The following NRXN1 variants were observed in gnomAD, a reference collection of about 807,000 sequenced individuals.
The protein encoded by NRXN1 is neurexin-1.
Under a neutral mutation model 150.9 loss-of-function variants are expected in NRXN1, and 39 were observed. That is an observed-to-expected ratio of 0.26 (90% CI 0.20 to 0.34). NRXN1 has a LOEUF of 0.34. Ranked by LOEUF, NRXN1 falls within the 10% of genes least tolerant of loss-of-function variation. The pLI is 1.00. For synonymous variants in NRXN1, 924 were observed against 757.0 expected, an observed-to-expected ratio of 1.22 and a Z score of -3.62; for missense variants, 1,815 against 1,949.9, an observed-to-expected ratio of 0.93 and a Z score of 1.30.
At chr2:50,224,470 AC>A (rs964877817) in intron 18 of NRXN1, among the ~76,000 whole-genome samples, 1 of 151,966 alleles carries the variant, frequency 6.6e-6, no homozygotes, top group Non-Finnish European at 1.5e-5. Flanking sequence ...TTGTTTAGTT[AC>A]CGTTCTTCTG....
At chr2:50,867,973 C>T (rs2106077137) in intron 5 of NRXN1, among the ~76,000 whole-genome samples, 1 of 151,242 alleles carries the variant, frequency 6.6e-6, no homozygotes, top group Non-Finnish European at 1.5e-5. Flanking sequence ...ATGACCTGAA[C>T]TGTAGAAGAA....
intron 5 of NRXN1, among the ~76,000 whole-genome samples, chr2:50,661,980 T>A (rs1202155454): frequency 2.0e-5 from 3 of 152,058 alleles, no homozygotes; most frequent in African/African-American, 7.2e-5. Context: ...TTTGTATTAT[T>A]CCTTAAGGCC....
chr2:50,654,147 A>C (rs1230353708), intron 5 of NRXN1, among the ~76,000 whole-genome samples: 1 of 145,740 alleles, frequency 6.9e-6, no homozygotes, highest in Admixed American at 6.9e-5. Flanking sequence ...GTCATTTAAC[A>C]TTAGGTATAT....
intron 5 of NRXN1, among the ~76,000 whole-genome samples, chr2:50,741,473 T>C (rs1699418995): frequency 6.6e-6 from 1 of 152,196 alleles, no homozygotes; most frequent in South Asian, 2.1e-4. Context: ...AAGTTGAGGA[T>C]CACTGTGCCC....
chr2:50,402,609 T>C (rs2082465730), intron 17 of NRXN1, among the ~76,000 whole-genome samples: 2 of 152,216 alleles, frequency 1.3e-5, no homozygotes, highest in Admixed American at 6.5e-5. Flanking sequence ...GGTTAGGCCA[T>C]ATCATGTTTT....
At chr2:50,283,821 C>A (rs1374215306) in intron 17 of NRXN1, among the ~76,000 whole-genome samples, 5 of 152,098 alleles carry the variant, frequency 3.3e-5, no homozygotes, top group Non-Finnish European at 7.4e-5. Flanking sequence ...TATTAAAAGT[C>A]CCTCTCCCTA....
In NRXN1 at chr2:50,331,654, T is replaced by C. The variant is rs114845526; in HGVS notation, c.3365-94684A>G. Reference sequence around the variant, plus strand: ...TTGTTAGCAGTATATCAACAGCAATTGATCACTAATGTGAAGGTATCAGGT... The same window carrying C: ...TTGTTAGCAGTATATCAACAGCAATCGATCACTAATGTGAAGGTATCAGGT... On this transcript the variant is annotated intron_variant, in intron 17 of 22. Coordinates refer to ENST00000401669, the MANE Select transcript of NRXN1 (RefSeq NM_001330078.2). 4.2e-3 allele frequency among the ~76,000 whole-genome samples: 647 copies of C among 152,296 alleles called. 2 individuals are homozygous for C. Among genetic ancestry groups the C allele is most frequent in the African/African-American group, 0.015 (626 of 41,578 alleles).
intron 5 of NRXN1, among the ~76,000 whole-genome samples, chr2:50,725,522 C>A (rs1205125495): frequency 1.3e-5 from 2 of 152,066 alleles, no homozygotes; most frequent in Non-Finnish European, 2.9e-5. Flanking sequence ...AGAAAGAGAT[C>A]CACAAATCCT....
chr2:51,027,449 T>A, intron 2 of NRXN1, 53 bp downstream of exon 2: 2 of 1,470,306 alleles, frequency 1.4e-6, no homozygotes, highest in Non-Finnish European at 1.8e-6. Context: ...GGTCCCCTCC[T>A]CCCCGAGCCC....
At chr2:50,980,541 G>A (rs1696624591) in intron 2 of NRXN1, among the ~76,000 whole-genome samples, 1 of 151,984 alleles carries the variant, frequency 6.6e-6, no homozygotes, top group Admixed American at 6.6e-5. Flanking sequence ...ATTAGGAATA[G>A]TAGTGATAGT....
intron 17 of NRXN1, among the ~76,000 whole-genome samples, chr2:50,409,137 C>G (rs938971379): frequency 5.3e-5 from 8 of 152,114 alleles, no homozygotes; most frequent in African/African-American, 1.9e-4. Flanking sequence ...CATGTGGTCC[C>G]CAAATGCTTA....
At chr2:50,280,434 G>A (rs1362730594) in intron 17 of NRXN1, among the ~76,000 whole-genome samples, 1 of 152,058 alleles carries the variant, frequency 6.6e-6, no homozygotes, top group African/African-American at 2.4e-5. Context: ...CATATCAGAA[G>A]CACACCCCCA....
intron 17 of NRXN1, among the ~76,000 whole-genome samples, chr2:50,411,201 AT>A (rs1396355052): frequency 6.6e-6 from 1 of 151,792 alleles, no homozygotes; most frequent in Non-Finnish European, 1.5e-5. Flanking sequence ...TGGTTTTCAT[AT>A]TTTTTGGTGG....
At position 50,134,428 on chromosome 2, in the gene NRXN1, T is replaced by C. The variant is rs973520634; in HGVS notation, c.3547-42934A>G. ...AACCAAATAAAATTTCCTTGTACAG[T>C]CAATGTCTTGGCATGCAATGGGTCC... On this transcript the variant is annotated intron_variant, in intron 18 of 22. Transcript: ENST00000401669. Among the ~76,000 whole-genome samples the C allele has an allele frequency of 1.4e-4, 22 of 152,228 alleles. No homozygotes were observed. In the South Asian group the frequency reaches 2.9e-3, roughly 20 times the overall value.
intron 15 of NRXN1, among the ~76,000 whole-genome samples, chr2:50,477,009 A>G (rs930709497): frequency 1.3e-5 from 2 of 152,286 alleles, no homozygotes; most frequent in East Asian, 1.9e-4. Flanking sequence ...GGGGGAGCAT[A>G]CAAAAGTTGA....
At chr2:49,946,817 T>C (rs771356116) in intron 21 of NRXN1, among the ~76,000 whole-genome samples, 2 of 152,136 alleles carry the variant, frequency 1.3e-5, no homozygotes, top group African/African-American at 4.8e-5. Flanking sequence ...AAAACTATGC[T>C]ACAAGGCTAC....
chr2:50,213,237 T>C (rs909199003), intron 18 of NRXN1, among the ~76,000 whole-genome samples: 1 of 151,828 alleles, frequency 6.6e-6, no homozygotes, highest in Admixed American at 6.6e-5. Context: ...CTAGGCACGG[T>C]TTTAGGTGCT....
At chr2:50,541,131 A>G (rs1457436143) in intron 9 of NRXN1, among the ~76,000 whole-genome samples, 1 of 152,242 alleles carries the variant, frequency 6.6e-6, no homozygotes, top group Non-Finnish European at 1.5e-5. Flanking sequence ...CAAAGGAACA[A>G]TGACAAATTA....
chr2:50,759,111 T>G (rs1701495187), intron 5 of NRXN1, among the ~76,000 whole-genome samples: 1 of 151,940 alleles, frequency 6.6e-6, no homozygotes, highest in African/African-American at 2.4e-5. Flanking sequence ...ATTACTAAAC[T>G]GGAAAAGAAT....
Sources: allele counts gnomAD v4.1 joint callset (sites outside exome capture counted in the v4.1 genomes callset), GRCh38; gene constraint gnomAD v4.1.1; transcripts MANE v1.5; gene names NCBI Gene and HGNC (gene_info 2026-07-23, HGNC 2026-07-21).